The following GPAT3 variants were observed in gnomAD, a reference collection of about 807,000 sequenced individuals.
GPAT3 encodes glycerol-3-phosphate acyltransferase 3.
In GPAT3, 53 loss-of-function variants were observed where a neutral mutation model predicts 58.8. The observed-to-expected ratio is 0.90, with a 90% confidence interval of 0.72 to 1.13. The LOEUF (loss-of-function observed/expected upper bound fraction) is 1.13, where lower values mean the gene tolerates loss of function less well. Among genes scored for constraint, GPAT3 ranks in the 50% most tolerant of loss-of-function variants. The pLI is 0.00. For missense variants in GPAT3, 511 were observed against 527.6 expected (o/e 0.97, Z 0.31); for synonymous variants, 197 against 187.4 (o/e 1.05, Z -0.42).
Position 83,597,998 on chromosome 4 carries a change from G to A in GPAT3, c.997-53G>A, listed in dbSNP as rs111447596. 9.5e-4 allele frequency: 1,523 copies of A among 1,602,342 alleles called. 17 individuals are homozygous for A. The African/African-American group carries it at 0.018, about 19-fold the overall frequency. ...CTACCACCTTTAAAACATTGGGCAC[G>A]GATGAGAAACCACCCTTATTTCATA... On this transcript the variant is annotated intron_variant, in intron 9 of 11. Coordinates refer to ENST00000264409, the MANE Select transcript of GPAT3 (RefSeq NM_032717.5).
At chr4:83,574,124 C>T (rs1396401125) in intron 2 of GPAT3, among the ~76,000 whole-genome samples, 4 of 152,150 alleles carry the variant, frequency 2.6e-5, no homozygotes, top group African/African-American at 9.7e-5. Flanking sequence ...ATCAAGGCTT[C>T]CATGAGAAAG....
intron 4 of GPAT3, 135 bp from the exon 5 acceptor site, chr4:83,588,075 T>C (rs1178804885): frequency 3.0e-6 from 2 of 668,656 alleles, no homozygotes; most frequent in Non-Finnish European, 5.0e-6. Flanking sequence ...ACTATAAGAC[T>C]ATAAGAATTG....
In GPAT3 at chr4:83,604,763, G is replaced by T. The variant is rs185019136; in HGVS notation, c.1301G>T (p.Ser434Ile). 17 of 1,613,456 alleles carry T rather than the reference G, an allele frequency of 1.1e-5. 1 individual carries two copies. In the African/African-American group the frequency reaches 1.2e-4, roughly 11 times the overall value. ...SKMIVGNGSL[S>I] ...ATGATTGTGGGCAATGGATCTCTCA[G>T]CTAAGAGGACGGATGACAGCCTTTA... Residue 434 changes from serine to isoleucine, a missense_variant, in exon 12 of 12, where the codon AGC becomes ATC. Physicochemically the swap from Ser to Ile is moderately radical, Grantham distance 142. Coordinates refer to ENST00000264409, the MANE Select transcript of GPAT3 (RefSeq NM_032717.5).
chr4:83,556,625 T>G (rs1387253491), intron 2 of GPAT3, among the ~76,000 whole-genome samples: 1 of 152,118 alleles, frequency 6.6e-6, no homozygotes, highest in African/African-American at 2.4e-5. Flanking sequence ...TCCCCATTTA[T>G]GCATCAAAAC....
rs777414964 is a variant in GPAT3, at chr4:83,581,807, C to G, written c.454C>G (p.Arg152Gly). The change falls in exon 3 of 12, where the codon CGC (arginine) becomes GGC (glycine). Residue 152 changes from arginine (R) to glycine (G), a missense_variant. Physicochemically the swap from Arg to Gly is moderately radical, Grantham distance 125. Transcript: ENST00000264409. The part of the protein sequence containing the change: ...TMVWVLGVIV[R>G]YCVLLPLRVT... ...GGTGTGGGTGCTGGGCGTCATAGTGCGCTATTGTGTCCTACTGCCTCTGAG... is the reference window on the plus strand; with the variant it reads ...GGTGTGGGTGCTGGGCGTCATAGTGGGCTATTGTGTCCTACTGCCTCTGAG... 1.2e-6 allele frequency: 2 copies of G among 1,613,374 alleles called. No homozygotes were observed. The highest frequency in any genetic ancestry group is 2.7e-5 in the African/African-American group (2 of 75,008).
intron 2 of GPAT3, among the ~76,000 whole-genome samples, chr4:83,577,330 A>G (rs1425390069): frequency 2.6e-5 from 4 of 152,232 alleles, no homozygotes; most frequent in Non-Finnish European, 5.9e-5. Flanking sequence ...TAGTGAGACA[A>G]CTGTCAGAAT....
chr4:83,558,540 G>A (rs10009094), intron 2 of GPAT3, among the ~76,000 whole-genome samples: 23,697 of 152,146 alleles, frequency 0.16, 2,128 homozygotes, highest in East Asian at 0.31. Context: ...ATTGGCAAAT[G>A]TTTTTTGGTG....
chr4:83,595,753 G>A (rs1169848327), intron 7 of GPAT3, among the ~76,000 whole-genome samples: 3 of 152,034 alleles, frequency 2.0e-5, no homozygotes, highest in Non-Finnish European at 1.5e-5. Flanking sequence ...CAGAGGAATG[G>A]GAGAAGGAAC....
At chr4:83,597,847 G>A (rs1726903891) in intron 9 of GPAT3, among the ~76,000 whole-genome samples, 1 of 152,098 alleles carries the variant, frequency 6.6e-6, no homozygotes, top group Non-Finnish European at 1.5e-5. Context: ...TGTGCTCTTT[G>A]GTTCTATTTA....
At position 83,559,059 on chromosome 4, in the gene GPAT3, T is replaced by C. The variant is rs551369279; in HGVS notation, c.208+14457T>C. ...ACACTTCTTGTTAGCAAAAAATGAT[T>C]AGAAAACTGGACCAGACTAGCAGGT... On this transcript the variant is annotated intron_variant, in intron 2 of 11. Coordinates refer to ENST00000264409, the MANE Select transcript of GPAT3 (RefSeq NM_032717.5). 3.3e-5 allele frequency among the ~76,000 whole-genome samples: 5 copies of C among 152,334 alleles called. No individual in the cohort carries two copies. In the South Asian group the frequency reaches 1.0e-3, roughly 32 times the overall value.
chr4:83,562,228 ATATATATAATAT>A (rs1725195973), intron 2 of GPAT3, among the ~76,000 whole-genome samples: 2 of 75,272 alleles, frequency 2.7e-5, no homozygotes, highest in African/African-American at 1.0e-4. Flanking sequence ...TATATATAAT[ATATATATAATAT>A]ATATATATAA....
intron 1 of GPAT3, among the ~76,000 whole-genome samples, chr4:83,543,338 C>T (rs1163019702): frequency 6.6e-6 from 1 of 151,998 alleles, no homozygotes; most frequent in African/African-American, 2.4e-5. Context: ...AGTATAAAAG[C>T]CCTTGGGATT....
rs1371077453 is a variant in GPAT3, at chr4:83,571,671, C to CAT, written c.209-9882_209-9881dup. On this transcript the variant is annotated intron_variant, in intron 2 of 11. Transcript: ENST00000264409. Reference sequence around the variant, plus strand: ...TATTTCCTTATAGTTTTCCCCCACTCATATATATATGTGTATATATATATA... The same window carrying CAT: ...TATTTCCTTATAGTTTTCCCCCACTCATATATATATATGTGTATATATATATA... Among the ~76,000 whole-genome samples the CAT allele has an allele frequency of 3.3e-5, 5 of 150,588 alleles. No homozygotes were observed. The East Asian group carries it at 5.8e-4, about 18-fold the overall frequency.
chr4:83,597,026 G>GAGCA lies in GPAT3; in HGVS notation c.910+115_910+116insCAAG. 3 of 873,478 alleles carry GAGCA rather than the reference G, an allele frequency of 3.4e-6. No individual in the cohort carries two copies. The East Asian group carries it at 7.8e-5, about 23-fold the overall frequency. 54.1% of individuals were successfully genotyped at this position (873,478 alleles called of 1,614,324 possible). A position where few individuals can be genotyped will look rare whatever the true frequency, so the allele number is the denominator to read the frequency against. On this transcript the variant is annotated intron_variant, in intron 8 of 11. Coordinates refer to ENST00000264409, the MANE Select transcript of GPAT3 (RefSeq NM_032717.5). ...ACCTTAGCCCAGATCTCTGCCCTTA[G>GAGCA]AGGAATGGGATGGCACTCTCTGAGT...
chr4:83,551,078 A>G (rs886087640), intron 2 of GPAT3, among the ~76,000 whole-genome samples: 2 of 152,216 alleles, frequency 1.3e-5, no homozygotes, highest in African/African-American at 4.8e-5. Flanking sequence ...CAACAATTCT[A>G]TATCTCCTAA....
Position 83,604,776 on chromosome 4 carries a change from A to T in GPAT3, c.*9A>T. 1 of 1,610,108 alleles carries T rather than the reference A, an allele frequency of 6.2e-7. No individual in the cohort carries two copies. Among genetic ancestry groups the T allele is most frequent in the Non-Finnish European group, 8.5e-7 (1 of 1,176,642 alleles). ...ATGGATCTCTCAGCTAAGAGGACGG[A>T]TGACAGCCTTTAGATCTAGAACTAG... On this transcript the variant is annotated 3_prime_UTR_variant, in exon 12 of 12. Coordinates refer to ENST00000264409, the MANE Select transcript of GPAT3 (RefSeq NM_032717.5).
chr4:83,552,676 G>A (rs1395635779), intron 2 of GPAT3, among the ~76,000 whole-genome samples: 2 of 152,116 alleles, frequency 1.3e-5, no homozygotes, highest in Non-Finnish European at 2.9e-5. Context: ...GAATATACTG[G>A]TCTATTTTGG....
intron 5 of GPAT3, 152 bp downstream of exon 5, chr4:83,588,451 G>A: frequency 3.1e-6 from 2 of 651,386 alleles, no homozygotes; most frequent in South Asian, 1.9e-5. Flanking sequence ...CAGGCATGAT[G>A]CACAAAAACA....
chr4:83,566,419 T>TTAATTATTA (rs141548038), intron 2 of GPAT3, among the ~76,000 whole-genome samples: 1 of 143,594 alleles, frequency 7.0e-6, no homozygotes, highest in African/African-American at 2.6e-5. Context: ...AATTAATTAA[T>TTAATTATTA]TTATTATTAT....
Sources: gnomAD v4.1 joint callset for allele counts (sites outside exome capture counted in the v4.1 genomes callset) on GRCh38, gnomAD v4.1.1 for gene constraint, MANE v1.5 for transcripts, NCBI Gene and HGNC (gene_info 2026-07-23, HGNC 2026-07-21) for gene names.